The following TECPR2 variants were observed in gnomAD, a reference collection of about 807,000 sequenced individuals.
TECPR2 encodes the protein tectonin beta-propeller repeat-containing protein 2.
TECPR2 carries 65 observed loss-of-function variants against 138.1 expected under a neutral mutation model. The ratio of observed to expected loss-of-function variants is 0.47; its 90% confidence interval spans 0.39 to 0.58. The LOEUF (loss-of-function observed/expected upper bound fraction) is 0.58, where lower values mean the gene tolerates loss of function less well. TECPR2 is among the 20% of genes least tolerant of loss of function. The probability of loss-of-function intolerance (pLI) is 0.00; values close to 1 mark genes in which losing one functional copy is unlikely to be tolerated. For synonymous variants in TECPR2, 746 were observed against 749.8 expected (o/e 0.99, Z 0.08); for missense variants, 1,553 against 1,824.5 (o/e 0.85, Z 2.71).
rs764132386 is a variant in TECPR2, at chr14:102,443,772, G to A, written c.2878G>A (p.Glu960Lys). The A allele has an allele frequency of 1.2e-6, 2 of 1,609,182 alleles. No homozygotes were observed. The highest frequency in any genetic ancestry group is 1.7e-6 in the Non-Finnish European group (2 of 1,176,638). The change falls in exon 12 of 20, where the codon GAG (glutamate) becomes AAG (lysine). Residue 960 changes from glutamate to lysine, a missense_variant. By Grantham distance (56) the Glu-to-Lys change is moderately conservative. Coordinates refer to ENST00000359520, the MANE Select transcript of TECPR2 (RefSeq NM_014844.5). The surrounding 1 kb of genome is among the most constrained non-coding windows in gnomAD (Gnocchi z 4.9). The part of the protein sequence containing the change: ...LTEQRALLYR[E>K]GVSSFCPEGE... Reference sequence around the variant, plus strand: ...AGAGCAGAGGGCCCTCCTGTACCGGGAGGGCGTGAGCAGCTTCTGTCCGGA... The same window carrying A: ...AGAGCAGAGGGCCCTCCTGTACCGGAAGGGCGTGAGCAGCTTCTGTCCGGA...
intron 17 of TECPR2, among the ~76,000 whole-genome samples, chr14:102,486,912 G>A (rs765059257): frequency 6.6e-6 from 1 of 152,136 alleles, no homozygotes; most frequent in South Asian, 2.1e-4. Flanking sequence ...CTGCTACAGG[G>A]AAAAAAGAAC....
intron 1 of TECPR2, among the ~76,000 whole-genome samples, chr14:102,365,363 C>T (rs1731594561): frequency 6.6e-6 from 1 of 152,158 alleles, no homozygotes; most frequent in Admixed American, 6.5e-5. Context: ...ATGAAGGCTT[C>T]CTGGTGGCGG....
intron 2 of TECPR2, among the ~76,000 whole-genome samples, chr14:102,405,400 TAAAC>T (rs1443920335): frequency 6.6e-6 from 1 of 151,878 alleles, no homozygotes; most frequent in African/African-American, 2.4e-5. Flanking sequence ...CCAGAGAAGG[TAAAC>T]AAATGACCAA....
At chr14:102,432,787 C>T (rs1483380820) in intron 8 of TECPR2, among the ~76,000 whole-genome samples, 2 of 151,866 alleles carry the variant, frequency 1.3e-5, no homozygotes, top group African/African-American at 2.4e-5. Flanking sequence ...AGGCGGATCA[C>T]GAGGTCAAGA....
intron 17 of TECPR2, among the ~76,000 whole-genome samples, chr14:102,493,724 C>T (rs960528773): frequency 1.3e-5 from 2 of 152,196 alleles, no homozygotes; most frequent in African/African-American, 2.4e-5. Context: ...CCCTGCTGGC[C>T]GCCCCGCCCC....
intron 16 of TECPR2, among the ~76,000 whole-genome samples, chr14:102,454,026 G>A (rs1227349369): frequency 6.6e-6 from 1 of 152,068 alleles, no homozygotes; most frequent in East Asian, 1.9e-4. Context: ...GCACATGCCT[G>A]TAATCCCAGC....
intron 9 of TECPR2, among the ~76,000 whole-genome samples, chr14:102,436,863 G>A (rs772732962): frequency 6.6e-5 from 10 of 152,370 alleles, no homozygotes; most frequent in Admixed American, 6.5e-5. Flanking sequence ...GGAAGCGCAA[G>A]CAGCATGGCC....
rs564079409 is a variant in TECPR2, at chr14:102,437,884, G to A, written c.2395-138G>A. On this transcript the variant is annotated intron_variant, in intron 9 of 19. Coordinates refer to ENST00000359520, the MANE Select transcript of TECPR2 (RefSeq NM_014844.5). ...TGTCCACAGATAGCAGGGGTTGGGA[G>A]AAGGGTTGACTTGGCGTCTTGCTGA... 18 of 969,178 alleles carry A rather than the reference G, an allele frequency of 1.9e-5. No individual in the cohort carries two copies. In the East Asian group the frequency reaches 4.0e-4, roughly 21 times the overall value. The allele number at this position is 969,178 out of a possible 1,614,324, so 60.0% of individuals were successfully genotyped here.
At chr14:102,381,149 C>T (rs62008763) in intron 2 of TECPR2, among the ~76,000 whole-genome samples, 46,185 of 151,958 alleles carry the variant, frequency 0.3, 7,277 homozygotes, top group Middle Eastern at 0.38. Context: ...TTAGTAGAGA[C>T]GGGGTTTCAC....
At chr14:102,404,061 CTT>C (rs759501601) in intron 2 of TECPR2, among the ~76,000 whole-genome samples, 14 of 140,802 alleles carry the variant, frequency 9.9e-5, no homozygotes, top group Non-Finnish European at 1.4e-4. Context: ...CTATGCCCGG[CTT>C]TTTTTTTTTT....
At chr14:102,404,424 A>C (rs745544861) in intron 2 of TECPR2, among the ~76,000 whole-genome samples, 1 of 152,152 alleles carries the variant, frequency 6.6e-6, no homozygotes. Context: ...CTTAAAACTT[A>C]ACTGCAAAAA....
chr14:102,369,679 C>T (rs368214938), intron 1 of TECPR2, among the ~76,000 whole-genome samples: 1 of 152,044 alleles, frequency 6.6e-6, no homozygotes, highest in Non-Finnish European at 1.5e-5. Context: ...CAGTGGCTCA[C>T]GCCTGTAATC....
At chr14:102,413,453 C>T (rs1337076182) in intron 4 of TECPR2, among the ~76,000 whole-genome samples, 2 of 151,306 alleles carry the variant, frequency 1.3e-5, no homozygotes, top group Non-Finnish European at 2.9e-5. Context: ...GATCTTGGCT[C>T]ACTGCAACCC....
intron 2 of TECPR2, among the ~76,000 whole-genome samples, chr14:102,396,177 A>T (rs1223039831): frequency 6.8e-6 from 1 of 148,128 alleles, no homozygotes; most frequent in African/African-American, 2.5e-5. Context: ...ATCTCAGCTC[A>T]TTGCAACCTC....
In TECPR2 at chr14:102,452,380, AC is replaced by A. The variant is rs1890166626; in HGVS notation, c.3407-10del. 1.3e-6 allele frequency: 2 copies of A among 1,599,210 alleles called. No homozygotes were observed. The highest frequency in any genetic ancestry group is 1.7e-6 in the Non-Finnish European group (2 of 1,167,950). Reference sequence around the variant, plus strand: ...AGACAACACCTCGATGACAAACATGACCCCTTTCTGCAGGAAGCTTCCTGTG... The same window carrying A: ...AGACAACACCTCGATGACAAACATGACCCTTTCTGCAGGAAGCTTCCTGTG... On this transcript the variant is annotated splice_polypyrimidine_tract_variant and intron_variant, in intron 15 of 19. Coordinates refer to ENST00000359520, the MANE Select transcript of TECPR2 (RefSeq NM_014844.5).
chr14:102,448,675 G>A (rs1478407144), intron 13 of TECPR2, among the ~76,000 whole-genome samples: 1 of 151,178 alleles, frequency 6.6e-6, no homozygotes, highest in African/African-American at 2.4e-5. Context: ...AGACCAGCCT[G>A]GCCAACATGG....
At chr14:102,460,752 T>C (rs1271634292) in intron 16 of TECPR2, among the ~76,000 whole-genome samples, 11 of 150,008 alleles carry the variant, frequency 7.3e-5, no homozygotes, top group Non-Finnish European at 1.5e-4. Context: ...TGGAGTGCAG[T>C]GGCACGATCT....
rs1024027958 is a variant in TECPR2, at chr14:102,435,288, T to C, written c.2394+77T>C. The C allele has an allele frequency of 3.4e-6, 5 of 1,491,876 alleles. No homozygotes were observed. In the African/African-American group the frequency reaches 7.0e-5, roughly 21 times the overall value. 92.4% of individuals were successfully genotyped at this position (1,491,876 alleles called of 1,614,324 possible). On this transcript the variant is annotated intron_variant, in intron 9 of 19. Coordinates refer to ENST00000359520, the MANE Select transcript of TECPR2 (RefSeq NM_014844.5). ...TAATAATTGTCAAGACTGATTATTT[T>C]CCTTCTCATGGAAAGAAATTCTATT...
In TECPR2 at chr14:102,387,413, C is replaced by T. The variant is rs1337903207; in HGVS notation, c.219+10473C>T. 2.0e-5 allele frequency among the ~76,000 whole-genome samples: 3 copies of T among 152,028 alleles called. No individual in the cohort carries two copies. The East Asian group carries it at 5.8e-4, about 29-fold the overall frequency. On this transcript the variant is annotated intron_variant, in intron 2 of 19. Transcript: ENST00000359520. Reference sequence around the variant, plus strand: ...AGGTCTGATATGTGTAAGCATAGACCAAAAAGACTACCTGACCTGAGTTTC... The same window carrying T: ...AGGTCTGATATGTGTAAGCATAGACTAAAAAGACTACCTGACCTGAGTTTC...
Sources: allele counts gnomAD v4.1 joint callset (sites outside exome capture counted in the v4.1 genomes callset), GRCh38; gene constraint gnomAD v4.1.1; non-coding constraint Gnocchi (gnomAD v3.1); transcripts MANE v1.5; gene names NCBI Gene and HGNC (gene_info 2026-07-23, HGNC 2026-07-21).